The following ANKS1B variants were observed in gnomAD, a reference collection of about 807,000 sequenced individuals.
ANKS1B encodes the protein ankyrin repeat and sterile alpha motif domain-containing protein 1B.
A neutral mutation model predicts 148.3 loss-of-function variants in ANKS1B; 36 were observed. The ratio of observed to expected loss-of-function variants is 0.24; its 90% confidence interval spans 0.19 to 0.32. The LOEUF is 0.32. Among genes scored for constraint, ANKS1B ranks in the 10% least tolerant of loss-of-function variants. ANKS1B has a pLI of 1.00. For synonymous variants in ANKS1B, 542 were observed against 560.8 expected, an observed-to-expected ratio of 0.97 and a Z score of 0.47; for missense variants, 1,157 against 1,542.6, an observed-to-expected ratio of 0.75 and a Z score of 4.19.
intron 9 of ANKS1B, among the ~76,000 whole-genome samples, chr12:99,537,544 T>G (rs2097083524): frequency 6.6e-6 from 1 of 152,170 alleles, no homozygotes; most frequent in African/African-American, 2.4e-5. Flanking sequence ...ACGCCTGTTT[T>G]CCAGTTGTGT....
chr12:99,304,550 T>C (rs931268017), intron 12 of ANKS1B, among the ~76,000 whole-genome samples: 2 of 152,152 alleles, frequency 1.3e-5, no homozygotes, highest in Non-Finnish European at 2.9e-5. Context: ...TGTGACAATG[T>C]TGTTCCTGCT....
intron 22 of ANKS1B, among the ~76,000 whole-genome samples, chr12:98,796,871 T>C (rs1485264751): frequency 2.0e-5 from 3 of 152,210 alleles, no homozygotes; most frequent in African/African-American, 7.2e-5. Flanking sequence ...ATGGCTTTTC[T>C]ATTGCTATCA....
chr12:99,009,304 C>G (rs1261010770), intron 17 of ANKS1B, among the ~76,000 whole-genome samples: 2 of 152,144 alleles, frequency 1.3e-5, no homozygotes, highest in Non-Finnish European at 2.9e-5. Flanking sequence ...GTTTTGAACA[C>G]AATCTCTCAG....
At chr12:99,316,673 A>G (rs1004175004) in intron 12 of ANKS1B, among the ~76,000 whole-genome samples, 3 of 152,076 alleles carry the variant, frequency 2.0e-5, no homozygotes, top group African/African-American at 7.2e-5. Flanking sequence ...CTTTAGTTTA[A>G]TTAGATCCCA....
At position 99,290,279 on chromosome 12, in the gene ANKS1B, C is replaced by T. The variant is rs548250552; in HGVS notation, c.1757-43415G>A. Among the ~76,000 whole-genome samples the T allele has an allele frequency of 2.1e-5, 3 of 142,478 alleles. No homozygotes were observed. The South Asian group carries it at 6.4e-4, about 30-fold the overall frequency. 93.5% of individuals were successfully genotyped at this position (142,478 alleles called of 152,430 possible). ...TTAGATCAAAGCCATACTAAAAAGT[C>T]TCCCAGAAAAAAAAAAAAAAAAGGC... is the stretch of plus-strand genomic sequence containing the variant. On this transcript the variant is annotated intron_variant, in intron 12 of 26. Coordinates refer to ENST00000683438, the MANE Select transcript of ANKS1B (RefSeq NM_001352186.2).
chr12:99,465,050 G>C (rs1157509690), intron 10 of ANKS1B, among the ~76,000 whole-genome samples: 6 of 152,110 alleles, frequency 3.9e-5, no homozygotes, highest in Non-Finnish European at 7.3e-5. Context: ...GAGAAAGGTC[G>C]GGTTACCCAC....
At chr12:99,638,550 T>A (rs375296496) in intron 9 of ANKS1B, among the ~76,000 whole-genome samples, 1 of 152,252 alleles carries the variant, frequency 6.6e-6, no homozygotes, top group African/African-American at 2.4e-5. Flanking sequence ...GTGGAAGAAA[T>A]TTCTAAGCAG....
intron 9 of ANKS1B, among the ~76,000 whole-genome samples, chr12:99,545,426 TC>T (rs939050148): frequency 2.6e-5 from 4 of 152,114 alleles, no homozygotes; most frequent in African/African-American, 9.7e-5. Flanking sequence ...ATAGACAATA[TC>T]CCCTTGAATG....
At chr12:99,379,986 T>C (rs997397482) in intron 12 of ANKS1B, among the ~76,000 whole-genome samples, 14 of 152,242 alleles carry the variant, frequency 9.2e-5, no homozygotes, top group African/African-American at 3.1e-4. Context: ...AAGAATATAG[T>C]TAACTCCCTG....
At chr12:98,765,628 C>G (rs976829591) in intron 25 of ANKS1B, among the ~76,000 whole-genome samples, 2 of 152,086 alleles carry the variant, frequency 1.3e-5, no homozygotes, top group East Asian at 3.9e-4. Flanking sequence ...GCGATCTCTG[C>G]TCACTGTACT....
At chr12:99,554,676 C>T (rs181953200) in intron 9 of ANKS1B, among the ~76,000 whole-genome samples, 2 of 152,214 alleles carry the variant, frequency 1.3e-5, no homozygotes, top group African/African-American at 4.8e-5. Flanking sequence ...CACTTTGGTC[C>T]AATATTGGAA....
At chr12:99,092,277 CA>C (rs2054278176) in intron 15 of ANKS1B, among the ~76,000 whole-genome samples, 1 of 152,070 alleles carries the variant, frequency 6.6e-6, no homozygotes, top group African/African-American at 2.4e-5. Context: ...TGGTCTTTCC[CA>C]GCAGCTGAGT....
intron 17 of ANKS1B, among the ~76,000 whole-genome samples, chr12:99,005,632 T>C (rs976435231): frequency 6.6e-6 from 1 of 152,226 alleles, no homozygotes; most frequent in African/African-American, 2.4e-5. Flanking sequence ...GTAACCTGCA[T>C]GCGCTTTCAA....
intron 17 of ANKS1B, among the ~76,000 whole-genome samples, chr12:99,040,986 C>T (rs921885859): frequency 1.3e-5 from 2 of 152,130 alleles, no homozygotes; most frequent in Non-Finnish European, 2.9e-5. Context: ...CAAGAGAATG[C>T]GAATAATACA....
chr12:99,916,065 T>C (rs2153791873), intron 1 of ANKS1B, among the ~76,000 whole-genome samples: 1 of 152,308 alleles, frequency 6.6e-6, no homozygotes, highest in Middle Eastern at 3.4e-3. Flanking sequence ...ATTCAACCTA[T>C]GACAAGTAGT....
intron 16 of ANKS1B, among the ~76,000 whole-genome samples, chr12:99,071,078 G>A (rs527740255): frequency 8.7e-4 from 132 of 152,188 alleles, no homozygotes; most frequent in South Asian, 2.5e-3. Context: ...TTTACTTAAC[G>A]TACAAAACTT....
chr12:98,924,161 G>T (rs1266882681), intron 17 of ANKS1B, among the ~76,000 whole-genome samples: 1 of 152,226 alleles, frequency 6.6e-6, no homozygotes, highest in Non-Finnish European at 1.5e-5. Flanking sequence ...GAGCAACTGA[G>T]CCACCACTGC....
intron 9 of ANKS1B, chr12:99,648,828 T>C: frequency 6.3e-7 from 1 of 1,574,870 alleles, no homozygotes. Flanking sequence ...CTGGATGCTT[T>C]GGGGGAGAGC....
At chr12:99,619,408 G>GTCTT (rs1368111926) in intron 9 of ANKS1B, among the ~76,000 whole-genome samples, 2 of 151,952 alleles carry the variant, frequency 1.3e-5, no homozygotes, top group African/African-American at 4.8e-5. Flanking sequence ...TGAAACAGCA[G>GTCTT]CCTGAGACAC....
Sources: gnomAD v4.1 joint callset for allele counts (sites outside exome capture counted in the v4.1 genomes callset) on GRCh38, gnomAD v4.1.1 for gene constraint, MANE v1.5 for transcripts, NCBI Gene and HGNC (gene_info 2026-07-23, HGNC 2026-07-21) for gene names.